The following MICU1 variants were observed in gnomAD, a reference collection of about 807,000 sequenced individuals.
MICU1 encodes mitochondrial calcium uptake 1.
In MICU1, 45 loss-of-function variants were observed where a neutral mutation model predicts 56.8. The observed-to-expected ratio is 0.79, with a 90% CI of 0.62 to 1.02. The LOEUF (loss-of-function observed/expected upper bound fraction) is 1.02. Ranked by LOEUF, MICU1 falls within the 50% of genes least tolerant of loss-of-function variation. The pLI, the probability that MICU1 is intolerant of heterozygous loss-of-function variation, is 0.00. For synonymous variants in MICU1, 186 were observed against 195.1 expected (o/e 0.95, Z 0.39); for missense variants, 504 against 587.1 (o/e 0.86, Z 1.46).
Position 72,423,347 on chromosome 10 carries a change from C to T in MICU1, c.958G>A (p.Gly320Arg). The T allele has an allele frequency of 6.2e-7, 1 of 1,613,912 alleles. No individual in the cohort carries two copies. The highest frequency in any genetic ancestry group is 1.1e-5 in the South Asian group (1 of 91,072). ...CCAAACTGCCTCTCAGTAATTCTCC[C>T]ATCCACAGGGTCATGGCGTTCAAAC... ...LEFERHDPVDGRITERQFGGM... is the reference protein window; with the variant it reads ...LEFERHDPVDRRITERQFGGM... The change falls in exon 9 of 12, where the codon GGG becomes AGG. Residue 320 changes from glycine (G) to arginine (R), a missense_variant. Gly to Arg is a moderately radical substitution (Grantham distance 125, BLOSUM62 -2). Transcript: ENST00000361114.
chr10:72,566,723 G>A lies in MICU1; in HGVS notation c.71C>T (p.Ser24Leu). The part of the protein sequence containing the change: ...AVGSRWYHGG[S>L]QPIQIRRRLM... ...TCTTCGCCGGATCTGGATGGGCTGT[G>A]ATCCTCCATGGTACCATCGAGAACC... Residue 24 changes from serine to leucine, a missense_variant, in exon 2 of 12, where the codon TCA (serine) becomes TTA (leucine). By Grantham distance (145) the Ser-to-Leu change is moderately radical (BLOSUM62 -2). Coordinates refer to ENST00000361114, the MANE Select transcript of MICU1 (RefSeq NM_001195518.2). The A allele has an allele frequency of 1.2e-6, 2 of 1,612,758 alleles. No individual in the cohort carries two copies. The highest frequency in any genetic ancestry group is 1.7e-6 in the Non-Finnish European group (2 of 1,179,358).
At chr10:72,510,498 C>G (rs1867407717) in intron 5 of MICU1, among the ~76,000 whole-genome samples, 1 of 152,082 alleles carries the variant, frequency 6.6e-6, no homozygotes, top group African/African-American at 2.4e-5. Flanking sequence ...ATGCCATAAT[C>G]CCAAACGTTG....
At chr10:72,623,441 T>TA (rs145672762) in intron 1 of MICU1, among the ~76,000 whole-genome samples, 2,584 of 152,030 alleles carry the variant, frequency 0.017, 75 homozygotes, top group African/African-American at 0.06. Context: ...TAAACCTTTT[T>TA]AAAAAAACTG....
At chr10:72,590,866 A>C (rs1291957165) in intron 1 of MICU1, among the ~76,000 whole-genome samples, 1 of 150,956 alleles carries the variant, frequency 6.6e-6, no homozygotes, top group Non-Finnish European at 1.5e-5. Context: ...AAAAAACAGA[A>C]GACAAACAAC....
intron 9 of MICU1, among the ~76,000 whole-genome samples, chr10:72,420,787 C>A (rs1395544425): frequency 6.6e-6 from 1 of 151,696 alleles, no homozygotes; most frequent in Non-Finnish European, 1.5e-5. Context: ...GTGATCCTCC[C>A]ACCTCAGTCT....
At chr10:72,586,662 A>C (rs911883670) in intron 1 of MICU1, among the ~76,000 whole-genome samples, 3 of 152,096 alleles carry the variant, frequency 2.0e-5, no homozygotes, top group African/African-American at 7.2e-5. Flanking sequence ...AAAAAAAAAA[A>C]AACCCATAGA....
intron 4 of MICU1, among the ~76,000 whole-genome samples, chr10:72,547,646 T>G (rs1402584805): frequency 6.6e-6 from 1 of 152,128 alleles, no homozygotes; most frequent in Non-Finnish European, 1.5e-5. Context: ...TATATTCATT[T>G]TTAAGTCACT....
At chr10:72,388,402 A>G (rs1862961964) in intron 10 of MICU1, among the ~76,000 whole-genome samples, 1 of 152,216 alleles carries the variant, frequency 6.6e-6, no homozygotes, top group Admixed American at 6.5e-5. Flanking sequence ...TGGTTTCCTC[A>G]GTGAAAAGTA....
At chr10:72,403,628 A>ATT (rs1564847973) in intron 10 of MICU1, among the ~76,000 whole-genome samples, 5 of 97,744 alleles carry the variant, frequency 5.1e-5, no homozygotes, top group East Asian at 4.5e-4. Context: ...ACATACCAAA[A>ATT]TTGTGTGTGT....
At chr10:72,447,812 G>A (rs1865152147) in intron 8 of MICU1, among the ~76,000 whole-genome samples, 1 of 152,114 alleles carries the variant, frequency 6.6e-6, no homozygotes, top group Admixed American at 6.6e-5. Flanking sequence ...TATTATATTA[G>A]AACGATAAAA....
chr10:72,596,528 A>C (rs532367910), intron 1 of MICU1, among the ~76,000 whole-genome samples: 1 of 152,260 alleles, frequency 6.6e-6, no homozygotes, highest in East Asian at 1.9e-4. Context: ...TTAAGACAAC[A>C]AATTTGATGT....
At chr10:72,461,522 A>G (rs143854647) in intron 8 of MICU1, among the ~76,000 whole-genome samples, 1 of 152,344 alleles carries the variant, frequency 6.6e-6, no homozygotes, top group East Asian at 1.9e-4. Flanking sequence ...GTACTTATGT[A>G]CTGTGCAAGT....
chr10:72,623,375 G>GAA (rs71021517), intron 1 of MICU1, among the ~76,000 whole-genome samples: 1 of 144,802 alleles, frequency 6.9e-6, no homozygotes, highest in Non-Finnish European at 1.5e-5. Flanking sequence ...GGAGAAGAAA[G>GAA]AAAAAAAGAA....
chr10:72,522,697 C>A (rs1283191312), intron 5 of MICU1, among the ~76,000 whole-genome samples: 3 of 152,072 alleles, frequency 2.0e-5, no homozygotes, highest in African/African-American at 7.2e-5. Flanking sequence ...GAAAACAAAA[C>A]AATCCCAGAC....
chr10:72,429,432 A>G (rs1864454367), intron 8 of MICU1, among the ~76,000 whole-genome samples: 1 of 151,708 alleles, frequency 6.6e-6, no homozygotes, highest in South Asian at 2.1e-4. Flanking sequence ...AAAAAAAAAA[A>G]AAAGAAAAAA....
chr10:72,569,231 A>ATTT (rs1156509426), intron 1 of MICU1, among the ~76,000 whole-genome samples: 46 of 39,528 alleles, frequency 1.2e-3, no homozygotes, highest in Non-Finnish European at 1.4e-3. Flanking sequence ...ATATATATAT[A>ATTT]TATATATTTT....
At chr10:72,394,319 C>T (rs1863175309) in intron 10 of MICU1, among the ~76,000 whole-genome samples, 2 of 152,168 alleles carry the variant, frequency 1.3e-5, no homozygotes, top group Admixed American at 6.5e-5. Context: ...CCACGTAACC[C>T]ACTACAGCAA....
At chr10:72,557,035 TA>T (rs1840176460) in intron 3 of MICU1, among the ~76,000 whole-genome samples, 1 of 151,818 alleles carries the variant, frequency 6.6e-6, no homozygotes, top group South Asian at 2.1e-4. Context: ...CACTGCACTC[TA>T]GCCTGGGTGA....
At chr10:72,469,659 C>T (rs1000095587) in intron 8 of MICU1, among the ~76,000 whole-genome samples, 2 of 152,246 alleles carry the variant, frequency 1.3e-5, no homozygotes, top group African/African-American at 4.8e-5. Flanking sequence ...GGAAGGTGAA[C>T]ACACTTATTA....
Sources: allele counts gnomAD v4.1 joint callset (sites outside exome capture counted in the v4.1 genomes callset), GRCh38; gene constraint gnomAD v4.1.1; transcripts MANE v1.5; gene names NCBI Gene and HGNC (gene_info 2026-07-23, HGNC 2026-07-21).